The following PLXNA4 variants were observed in gnomAD, a reference collection of about 807,000 sequenced individuals.
The protein encoded by PLXNA4 is plexin-A4.
Under a neutral mutation model 191.8 loss-of-function variants are expected in PLXNA4, and 44 were observed. The observed-to-expected ratio is 0.23, with a 90% CI of 0.18 to 0.29. The LOEUF is 0.29. PLXNA4 is among the 10% of genes least tolerant of loss of function. The pLI is 1.00. For missense variants in PLXNA4, 1,800 were observed against 2,488.8 expected, an observed-to-expected ratio of 0.72 and a Z score of 5.89; for synonymous variants, 1,082 against 1,009.5, an observed-to-expected ratio of 1.07 and a Z score of -1.36.
In PLXNA4 at chr7:132,508,412, C is replaced by G. The variant is rs769822115; in HGVS notation, c.282G>C (p.Lys94Asn). 3 of 1,614,212 alleles carry G rather than the reference C, an allele frequency of 1.9e-6. No homozygotes were observed. The highest frequency in any genetic ancestry group is 2.5e-6 in the Non-Finnish European group (3 of 1,180,036). Residue 94 changes from lysine to asparagine, a missense_variant, in exon 2 of 32, where the codon AAG becomes AAC. Lys to Asn is a moderately conservative substitution (Grantham distance 94, BLOSUM62 0). Transcript: ENST00000321063. The surrounding 1 kb of genome is among the most constrained non-coding windows in gnomAD (Gnocchi z 4.4). ...HETGPDEDNP[K>N]CYPPRIVQTC... is the part of the protein sequence containing the mutation. The stretch of plus-strand genomic sequence containing the variant: ...TCTGGACGATGCGGGGTGGGTAACA[C>G]TTGGGGTTGTCCTCGTCCGGCCCTG...
intron 25 of PLXNA4, among the ~76,000 whole-genome samples, chr7:132,158,895 G>C (rs1248240048): frequency 6.6e-6 from 1 of 152,172 alleles, no homozygotes; most frequent in East Asian, 1.9e-4. Flanking sequence ...TGTTTATAGA[G>C]GCTGGGAGAT....
chr7:132,609,582 C>T (rs1188184986), intron 2 of PLXNA4, among the ~76,000 whole-genome samples: 1 of 152,178 alleles, frequency 6.6e-6, no homozygotes, highest in Admixed American at 6.5e-5. Flanking sequence ...CTGCAGATGG[C>T]CAACTACAAC....
intron 4 of PLXNA4, among the ~76,000 whole-genome samples, chr7:132,287,125 C>T (rs192711590): frequency 7.9e-5 from 12 of 152,264 alleles, no homozygotes; most frequent in African/African-American, 2.6e-4. Flanking sequence ...ACCTCTGCCG[C>T]CTGGGTTCAA....
intron 3 of PLXNA4, among the ~76,000 whole-genome samples, chr7:132,415,198 G>A (rs180732462): frequency 6.6e-5 from 10 of 152,340 alleles, no homozygotes; most frequent in African/African-American, 1.9e-4. Flanking sequence ...GGGAGTTGGC[G>A]GCCTGCAGAG....
In PLXNA4 at chr7:132,365,356, T is replaced by TGCGCGCGC. The variant is rs1382113654; in HGVS notation, c.1372-67135_1372-67134insGCGCGCGC. Among the ~76,000 whole-genome samples the TGCGCGCGC allele has an allele frequency of 6.1e-3, 538 of 87,688 alleles. 1 individual carries two copies. Among genetic ancestry groups the TGCGCGCGC allele is most frequent in the African/African-American group, 0.029 (512 of 17,642 alleles). The allele number at this position is 87,688 out of a possible 152,430, so 57.5% of individuals were successfully genotyped here. A position where few individuals can be genotyped will look rare whatever the true frequency, so the allele number is the denominator to read the frequency against. ...GTGTGTGTGTGTGTGTGTGTGTGTG[T>TGCGCGCGC]GTGTGCGTGCGCGCGCATGCATGGG... is the stretch of plus-strand genomic sequence containing the variant. On this transcript the variant is annotated intron_variant, in intron 3 of 31. Transcript: ENST00000321063.
chr7:132,280,927 T>C (rs2116393469), intron 4 of PLXNA4, among the ~76,000 whole-genome samples: 1 of 151,978 alleles, frequency 6.6e-6, no homozygotes, highest in South Asian at 2.1e-4. Context: ...ATATATTTAT[T>C]TATAAAAAAT....
At chr7:132,484,182 A>G (rs1797449747) in intron 3 of PLXNA4, among the ~76,000 whole-genome samples, 1 of 152,256 alleles carries the variant, frequency 6.6e-6, no homozygotes, top group South Asian at 2.1e-4. Flanking sequence ...ACTTGGGAAG[A>G]AAGCTTAAAA....
At chr7:132,212,783 T>A (rs1797844974) in intron 9 of PLXNA4, among the ~76,000 whole-genome samples, 2 of 152,114 alleles carry the variant, frequency 1.3e-5, no homozygotes, top group African/African-American at 4.8e-5. Context: ...GAGCCTTGTT[T>A]CATGGGAGTG....
intron 4 of PLXNA4, among the ~76,000 whole-genome samples, chr7:132,247,435 T>C (rs1799098523): frequency 6.6e-6 from 1 of 152,154 alleles, no homozygotes; most frequent in Admixed American, 6.5e-5. Context: ...AGATGACCCA[T>C]TAAGAAACTC....
At chr7:132,441,406 G>A (rs1420427979) in intron 3 of PLXNA4, among the ~76,000 whole-genome samples, 2 of 152,224 alleles carry the variant, frequency 1.3e-5, no homozygotes, top group African/African-American at 2.4e-5. Flanking sequence ...GGGTGGCAGT[G>A]TCCAGCACAG....
In PLXNA4 at chr7:132,212,910, C is replaced by T. The variant is rs200680395; in HGVS notation, c.2098-1767G>A. Among the ~76,000 whole-genome samples, 3 of 152,310 alleles carry T rather than the reference C, an allele frequency of 2.0e-5. No homozygotes were observed. The East Asian group carries it at 5.8e-4, about 29-fold the overall frequency. ...TCCAGAAATTCCACTCCTGGGTTTA[C>T]GTGCCCAGAGGAACTGAAAACAAGG... On this transcript the variant is annotated intron_variant, in intron 9 of 31. Transcript: ENST00000321063.
At chr7:132,394,022 C>A (rs1335231251) in intron 3 of PLXNA4, among the ~76,000 whole-genome samples, 1 of 151,110 alleles carries the variant, frequency 6.6e-6, no homozygotes, top group Admixed American at 6.6e-5. Flanking sequence ...GGCATCTCTG[C>A]CTGACCTTCC....
intron 1 of PLXNA4, among the ~76,000 whole-genome samples, chr7:132,569,864 G>C (rs1403376817): frequency 2.6e-5 from 4 of 152,190 alleles, no homozygotes; most frequent in Non-Finnish European, 5.9e-5. Context: ...AATTCTGCTT[G>C]AGAATCTATT....
chr7:132,608,653 T>A (rs927405680), intron 2 of PLXNA4, among the ~76,000 whole-genome samples: 1 of 152,138 alleles, frequency 6.6e-6, no homozygotes, highest in Admixed American at 6.5e-5. Flanking sequence ...CCGTTCCTTC[T>A]GCCACTGCTT....
At chr7:132,198,452 T>C in intron 13 of PLXNA4, 33 bp downstream of exon 13, 1 of 1,607,234 alleles carries the variant, frequency 6.2e-7, no homozygotes, top group Non-Finnish European at 8.5e-7. Flanking sequence ...TTCCCTCCCC[T>C]GTTCCTCCTG....
intron 3 of PLXNA4, among the ~76,000 whole-genome samples, chr7:132,335,923 C>A (rs1802798668): frequency 6.6e-6 from 1 of 152,168 alleles, no homozygotes; most frequent in African/African-American, 2.4e-5. Context: ...CCAGCATGTG[C>A]CATTTGGCAA....
chr7:132,226,142 T>C lies in PLXNA4; in HGVS notation c.1982+19A>G. On this transcript the variant is annotated intron_variant, in intron 8 of 31. Coordinates refer to ENST00000321063, the MANE Select transcript of PLXNA4 (RefSeq NM_020911.2). Reference sequence around the variant, plus strand: ...CTTGACCCCAGGAACGGGAAGTGGGTAAGGCTGGGGCCACTTACGAATTGT... The same window carrying C: ...CTTGACCCCAGGAACGGGAAGTGGGCAAGGCTGGGGCCACTTACGAATTGT... 1 of 1,605,176 alleles carries C rather than the reference T, an allele frequency of 6.2e-7. No individual in the cohort carries two copies. Among genetic ancestry groups the C allele is most frequent in the Non-Finnish European group, 8.5e-7 (1 of 1,172,390 alleles).
chr7:132,486,946 C>G (rs965053249), intron 3 of PLXNA4, among the ~76,000 whole-genome samples: 7 of 152,162 alleles, frequency 4.6e-5, no homozygotes, highest in Non-Finnish European at 1.0e-4. Context: ...CTTGACCTCC[C>G]TGTCGGGGAA....
chr7:132,306,152 G>C (rs1471208245), intron 3 of PLXNA4, among the ~76,000 whole-genome samples: 1 of 152,186 alleles, frequency 6.6e-6, no homozygotes, highest in Non-Finnish European at 1.5e-5. Context: ...GGAGGGGCTT[G>C]TGCGGAGGCG....
Sources: gnomAD v4.1 joint callset for allele counts (sites outside exome capture counted in the v4.1 genomes callset) on GRCh38, gnomAD v4.1.1 for gene constraint, Gnocchi (gnomAD v3.1) non-coding constraint, MANE v1.5 for transcripts, NCBI Gene and HGNC (gene_info 2026-07-23, HGNC 2026-07-21) for gene names.